SYNE1: variants seen among roughly 807,000 people sequenced by gnomAD.
The protein encoded by SYNE1 is nesprin-1.
A neutral mutation model predicts 1,111.0 loss-of-function variants in SYNE1; 616 were observed. The observed-to-expected ratio is 0.55, with a 90% confidence interval of 0.52 to 0.59. The LOEUF (loss-of-function observed/expected upper bound fraction) is 0.59, where lower values mean the gene tolerates loss of function less well. Among genes scored for constraint, SYNE1 ranks in the 20% least tolerant of loss-of-function variants. SYNE1 has a pLI of 0.00. For missense variants in SYNE1, 10,006 were observed against 10,417.0 expected, an observed-to-expected ratio of 0.96 and a Z score of 1.72; for synonymous variants, 3,855 against 3,825.8, an observed-to-expected ratio of 1.01 and a Z score of -0.28.
chr6:152,580,773 T>C (rs1178961757), intron 3 of SYNE1, among the ~76,000 whole-genome samples: 1 of 152,144 alleles, frequency 6.6e-6, no homozygotes, highest in Non-Finnish European at 1.5e-5. Context: ...CCAGGCATTG[T>C]GGAGCAGAGA....
At chr6:152,317,782 G>C (rs553094044) in intron 86 of SYNE1, among the ~76,000 whole-genome samples, 1 of 152,118 alleles carries the variant, frequency 6.6e-6, no homozygotes, top group African/African-American at 2.4e-5. Flanking sequence ...CATAAAACAC[G>C]TTAATGGGTG....
At chr6:152,618,604 A>G (rs768796640) in intron 3 of SYNE1, among the ~76,000 whole-genome samples, 5 of 152,324 alleles carry the variant, frequency 3.3e-5, no homozygotes, top group Non-Finnish European at 5.9e-5. Flanking sequence ...ACTAAATATG[A>G]AAGATTAATA....
intron 127 of SYNE1, among the ~76,000 whole-genome samples, chr6:152,191,402 A>G (rs1455759846): frequency 1.3e-5 from 2 of 152,164 alleles, no homozygotes; most frequent in Non-Finnish European, 2.9e-5. Context: ...TAGCGAAGCC[A>G]TCAGGTCCTG....
intron 42 of SYNE1, among the ~76,000 whole-genome samples, chr6:152,410,577 A>C (rs1209883066): frequency 6.6e-6 from 1 of 152,162 alleles, no homozygotes; most frequent in East Asian, 1.9e-4. Context: ...TCTACTAAAA[A>C]TGCAAAAATC....
chr6:152,580,308 C>T (rs1206677851), intron 3 of SYNE1, among the ~76,000 whole-genome samples: 1 of 152,120 alleles, frequency 6.6e-6, no homozygotes, highest in African/African-American at 2.4e-5. Context: ...ACATGCGTGT[C>T]TTCTTATAGA....
intron 8 of SYNE1, among the ~76,000 whole-genome samples, chr6:152,509,930 C>T (rs531676135): frequency 6.6e-6 from 1 of 152,190 alleles, no homozygotes; most frequent in East Asian, 1.9e-4. Flanking sequence ...CCTCATGCTA[C>T]TCAAAGTTTA....
chr6:152,377,698 T>G (rs2154107540), intron 56 of SYNE1, among the ~76,000 whole-genome samples: 1 of 142,252 alleles, frequency 7.0e-6, no homozygotes, highest in African/African-American at 2.6e-5. Context: ...CTGTTTCAAT[T>G]GATTTTATGT....
intron 3 of SYNE1, among the ~76,000 whole-genome samples, chr6:152,542,446 T>C (rs967204837): frequency 6.6e-6 from 1 of 152,204 alleles, no homozygotes; most frequent in Non-Finnish European, 1.5e-5. Context: ...CACTGACATT[T>C]AGATAAATCA....
At chr6:152,394,305 A>G (rs1370457355) in intron 51 of SYNE1, among the ~76,000 whole-genome samples, 13 of 152,186 alleles carry the variant, frequency 8.5e-5, no homozygotes, top group Non-Finnish European at 1.3e-4. Context: ...ATGTGTCTTT[A>G]TAGTAGAATG....
chr6:152,598,207 G>C (rs994555150), intron 3 of SYNE1, among the ~76,000 whole-genome samples: 5 of 152,080 alleles, frequency 3.3e-5, no homozygotes, highest in Non-Finnish European at 7.4e-5. Flanking sequence ...ATGGGGTCGG[G>C]CCTTTCCTGC....
chr6:152,545,207 T>C (rs960349803), intron 3 of SYNE1, among the ~76,000 whole-genome samples: 4 of 152,188 alleles, frequency 2.6e-5, no homozygotes, highest in African/African-American at 9.6e-5. Flanking sequence ...TTCATCAGAA[T>C]CATAAAATAT....
rs1554870974 is a variant in SYNE1, at chr6:152,536,398, A to AGTTATATATATAGTTATATATATAT, written c.129+3561_129+3562insATATATATATAACTATATATATAAC. Reference sequence around the variant, plus strand: ...TAGTAATATATATATATTTATATATATACTATATATAGTAATATATATATT... The same window carrying AGTTATATATATAGTTATATATATAT: ...TAGTAATATATATATATTTATATATAGTTATATATATAGTTATATATATATTACTATATATAGTAATATATATATT... On this transcript the variant is annotated intron_variant, in intron 4 of 145. Transcript: ENST00000367255. 1.7e-3 allele frequency among the ~76,000 whole-genome samples: 216 copies of AGTTATATATATAGTTATATATATAT among 129,358 alleles called. 1 individual carries two copies. The highest frequency in any genetic ancestry group is 2.5e-3 in the Admixed American group (31 of 12,198). The allele number at this position is 129,358 out of a possible 152,430, so 84.9% of individuals were successfully genotyped here. A position where few individuals can be genotyped will look rare whatever the true frequency, so the allele number is the denominator to read the frequency against.
At chr6:152,471,000 A>G (rs1045955693) in intron 16 of SYNE1, among the ~76,000 whole-genome samples, 5 of 152,206 alleles carry the variant, frequency 3.3e-5, no homozygotes, top group Non-Finnish European at 7.3e-5. Context: ...TGATTCTAGT[A>G]AACATAGAAT....
intron 2 of SYNE1, among the ~76,000 whole-genome samples, chr6:152,629,534 GGGGA>G (rs1565299673): frequency 4.3e-5 from 5 of 115,926 alleles, no homozygotes; most frequent in Admixed American, 1.7e-4. Flanking sequence ...GGGGGGGGGG[GGGGA>G]GGGGGAGGGG....
chr6:152,186,556 CAAAAAAAAAAAAAAAAAAAAAAAA>C (rs59187571), intron 128 of SYNE1, among the ~76,000 whole-genome samples: 6 of 38,030 alleles, frequency 1.6e-4, no homozygotes, highest in African/African-American at 3.3e-4. Context: ...AGCTCTGTGT[CAAAAAAAAAAAAAAAAAAAAAAAA>C]AAAAAAAAAA....
intron 2 of SYNE1, among the ~76,000 whole-genome samples, chr6:152,631,545 G>A (rs1359089035): frequency 6.6e-6 from 1 of 152,176 alleles, no homozygotes; most frequent in Non-Finnish European, 1.5e-5. Context: ...TTTAAAGGAT[G>A]TATTTGAGAA....
chr6:152,399,052 T>C (rs907336104), intron 48 of SYNE1, among the ~76,000 whole-genome samples: 1 of 152,134 alleles, frequency 6.6e-6, no homozygotes, highest in Non-Finnish European at 1.5e-5. Context: ...ATGTAAAAAG[T>C]GCAAGGAGAG....
At chr6:152,258,750 T>C (rs1031543926) in intron 101 of SYNE1, among the ~76,000 whole-genome samples, 1 of 121,760 alleles carries the variant, frequency 8.2e-6, no homozygotes, top group Admixed American at 7.8e-5. Context: ...TTTCTTCTTC[T>C]TTTTTTTTTT....
chr6:152,247,750 T>TATATACACACACAC (rs1432898834), intron 105 of SYNE1, among the ~76,000 whole-genome samples: 5 of 112,366 alleles, frequency 4.4e-5, no homozygotes, highest in African/African-American at 1.4e-4. Context: ...TATATATATA[T>TATATACACACACAC]ACACACACAC....
Sources: allele counts gnomAD v4.1 joint callset (sites outside exome capture counted in the v4.1 genomes callset), GRCh38; gene constraint gnomAD v4.1.1; transcripts MANE v1.5; gene names NCBI Gene and HGNC (gene_info 2026-07-23, HGNC 2026-07-21).